The following NTNG1 variants were observed in gnomAD, a reference collection of about 807,000 sequenced individuals.
NTNG1 encodes netrin G1, also known as netrin-G1.
NTNG1 carries 16 observed loss-of-function variants against 54.0 expected under a neutral mutation model. That is an observed-to-expected ratio of 0.30 (90% CI 0.20 to 0.45). The LOEUF (loss-of-function observed/expected upper bound fraction) is 0.45, where lower values mean the gene tolerates loss of function less well. Among genes scored for constraint, NTNG1 ranks in the 20% least tolerant of loss-of-function variants. The pLI, the probability that NTNG1 is intolerant of heterozygous loss-of-function variation, is 1.00. For synonymous variants in NTNG1, 255 were observed against 263.1 expected (o/e 0.97, Z 0.30); for missense variants, 530 against 678.7 (o/e 0.78, Z 2.43).
At chr1:107,276,506 A>G (rs1457993408) in intron 2 of NTNG1, among the ~76,000 whole-genome samples, 1 of 152,034 alleles carries the variant, frequency 6.6e-6, no homozygotes, top group African/African-American at 2.4e-5. Flanking sequence ...CAAGGCTCAC[A>G]TCACTGAATC....
intron 6 of NTNG1, 118 bp downstream of exon 6, chr1:107,431,035 T>C (rs560817377): frequency 1.2e-6 from 1 of 829,942 alleles, no homozygotes; most frequent in African/African-American, 1.7e-5. Flanking sequence ...TTTCTCAATG[T>C]AGAAAATATC....
intron 2 of NTNG1, among the ~76,000 whole-genome samples, chr1:107,302,320 CT>C (rs1316458229): frequency 6.6e-6 from 1 of 152,114 alleles, no homozygotes; most frequent in African/African-American, 2.4e-5. Flanking sequence ...ACTCTTCCTG[CT>C]TGATCTTGAT....
At chr1:107,357,538 C>T (rs1204039757) in intron 3 of NTNG1, among the ~76,000 whole-genome samples, 5 of 152,174 alleles carry the variant, frequency 3.3e-5, no homozygotes, top group Non-Finnish European at 7.4e-5. Context: ...AAAACTTTAG[C>T]TAATTTCATT....
chr1:107,377,188 G>A lies in NTNG1; in HGVS notation c.888-17966G>A, dbSNP rs560259084. On this transcript the variant is annotated intron_variant, in intron 3 of 7. Coordinates refer to ENST00000370068, the MANE Select transcript of NTNG1 (RefSeq NM_001113226.3). ...TTAACAACACTTGATGGAAGCTTTG[G>A]GGAGCACTGAATACTAAACTGAGAG... Among the ~76,000 whole-genome samples, 61 of 152,262 alleles carry A rather than the reference G, an allele frequency of 4.0e-4. 2 individuals are homozygous for A. The South Asian group carries it at 4.3e-3, about 11-fold the overall frequency.
intron 2 of NTNG1, among the ~76,000 whole-genome samples, chr1:107,226,089 T>C (rs1194929614): frequency 1.3e-5 from 2 of 152,176 alleles, no homozygotes; most frequent in East Asian, 3.8e-4. Context: ...GTTATATAGC[T>C]TGTGAGAGAA....
intron 3 of NTNG1, among the ~76,000 whole-genome samples, chr1:107,386,892 C>T (rs1557955533): frequency 6.6e-6 from 1 of 152,218 alleles, no homozygotes; most frequent in African/African-American, 2.4e-5. Flanking sequence ...TCCAATTTCT[C>T]CACATCCTTG....
intron 2 of NTNG1, among the ~76,000 whole-genome samples, chr1:107,262,396 C>T (rs553660315): frequency 8.3e-4 from 126 of 152,252 alleles, no homozygotes; most frequent in African/African-American, 2.8e-3. Context: ...TAAAATGTGT[C>T]AGGGAGACAA....
At chr1:107,463,970 G>A (rs1311182184) in intron 7 of NTNG1, among the ~76,000 whole-genome samples, 2 of 152,086 alleles carry the variant, frequency 1.3e-5, no homozygotes, top group Non-Finnish European at 2.9e-5. Flanking sequence ...ATATAAAAAG[G>A]AGGCATCTAA....
At chr1:107,344,110 T>C (rs964908932) in intron 3 of NTNG1, among the ~76,000 whole-genome samples, 1 of 152,164 alleles carries the variant, frequency 6.6e-6, no homozygotes, top group African/African-American at 2.4e-5. Context: ...TGGTATCACT[T>C]TGGTTCCCAG....
At chr1:107,224,014 T>A (rs184502130) in intron 2 of NTNG1, among the ~76,000 whole-genome samples, 3 of 152,290 alleles carry the variant, frequency 2.0e-5, no homozygotes, top group Admixed American at 6.5e-5. Flanking sequence ...TTTTAAGATA[T>A]TTTAATTAGA....
chr1:107,394,250 G>T lies in NTNG1; in HGVS notation c.888-904G>T, dbSNP rs1400213350. ...TATGGTGTGATACAGTTTATATCCT[G>T]CTGCCTCAACAAATATCAAGTTAGC... On this transcript the variant is annotated intron_variant, in intron 3 of 7. Coordinates refer to ENST00000370068, the MANE Select transcript of NTNG1 (RefSeq NM_001113226.3). Among the ~76,000 whole-genome samples the T allele has an allele frequency of 3.3e-5, 5 of 152,122 alleles. No homozygotes were observed. In the East Asian group the frequency reaches 9.6e-4, roughly 29 times the overall value.
At chr1:107,176,790 A>C (rs983584379) in intron 2 of NTNG1, among the ~76,000 whole-genome samples, 2 of 152,056 alleles carry the variant, frequency 1.3e-5, no homozygotes, top group Non-Finnish European at 2.9e-5. Flanking sequence ...CCTTTATGTT[A>C]TTTGCTTAGT....
intron 7 of NTNG1, 28 bp from the exon 8 acceptor site, chr1:107,480,583 C>CCCCCCCAACAA: frequency 1.3e-6 from 1 of 744,750 alleles, no homozygotes; most frequent in Non-Finnish European, 2.3e-6. Context: ...CGCGCCCACC[C>CCCCCCCAACAA]ACCCCTACCT....
intron 2 of NTNG1, among the ~76,000 whole-genome samples, chr1:107,181,618 C>G (rs1657078716): frequency 8.6e-6 from 1 of 115,694 alleles, no homozygotes; most frequent in African/African-American, 3.0e-5. Context: ...CAGTGTCATA[C>G]AACTCCATTA....
intron 7 of NTNG1, among the ~76,000 whole-genome samples, chr1:107,450,327 G>T (rs1676547793): frequency 2.0e-5 from 3 of 152,070 alleles, no homozygotes; most frequent in Admixed American, 2.0e-4. Flanking sequence ...GCCTCAGTTT[G>T]TGCATGTAAA....
chr1:107,446,142 G>A (rs992989394), intron 7 of NTNG1, among the ~76,000 whole-genome samples: 1 of 152,048 alleles, frequency 6.6e-6, no homozygotes, highest in African/African-American at 2.4e-5. Flanking sequence ...CTTGACATGG[G>A]TATCACAGGG....
intron 2 of NTNG1, among the ~76,000 whole-genome samples, chr1:107,204,212 T>C: frequency 6.6e-6 from 1 of 152,264 alleles, no homozygotes; most frequent in Non-Finnish European, 1.5e-5. Context: ...CATTAAATTT[T>C]CTTTACTGTT....
intron 3 of NTNG1, among the ~76,000 whole-genome samples, chr1:107,344,913 GA>G (rs1255493826): frequency 1.2e-4 from 19 of 152,054 alleles, no homozygotes; most frequent in African/African-American, 4.6e-4. Flanking sequence ...AAAACAGCAG[GA>G]AAAAAAGTTG....
At chr1:107,422,389 A>G (rs2101252899) in intron 5 of NTNG1, among the ~76,000 whole-genome samples, 1 of 152,152 alleles carries the variant, frequency 6.6e-6, no homozygotes, top group East Asian at 1.9e-4. Context: ...CTTTTCTGTC[A>G]TGTCAAGCAT....
Sources: gnomAD v4.1 joint callset for allele counts (sites outside exome capture counted in the v4.1 genomes callset) on GRCh38, gnomAD v4.1.1 for gene constraint, MANE v1.5 for transcripts, NCBI Gene and HGNC (gene_info 2026-07-23, HGNC 2026-07-21) for gene names.